PRR16: variants seen among roughly 807,000 people sequenced by gnomAD.
PRR16 encodes the protein proline rich 16.
A neutral mutation model predicts 18.2 loss-of-function variants in PRR16; 6 were observed. The ratio of observed to expected loss-of-function variants is 0.33; its 90% CI spans 0.18 to 0.65. The LOEUF (loss-of-function observed/expected upper bound fraction) is 0.65. PRR16 is among the 30% of genes least tolerant of loss of function. The pLI is 0.74. For synonymous variants in PRR16, 151 were observed against 147.8 expected, an observed-to-expected ratio of 1.02 and a Z score of -0.16; for missense variants, 412 against 376.6, an observed-to-expected ratio of 1.09 and a Z score of -0.78.
intron 1 of PRR16, among the ~76,000 whole-genome samples, chr5:120,475,797 G>A (rs1749422471): frequency 6.6e-6 from 1 of 152,086 alleles, no homozygotes; most frequent in Non-Finnish European, 1.5e-5. Context: ...GCAGGGTACT[G>A]GGCTATTCCA....
In PRR16 at chr5:120,464,586, G is replaced by A; in HGVS notation, c.100G>A (p.Val34Met). Residue 34 changes from valine to methionine, a missense_variant, in exon 1 of 2, where the codon GTG becomes ATG. By Grantham distance (21) the Val-to-Met change is conservative (BLOSUM62 1). Coordinates refer to ENST00000407149, the MANE Select transcript of PRR16 (RefSeq NM_001300783.2). Reference protein sequence around the residue: ...TKVKEQIKIIVEDLELVLGDL... With the variant: ...TKVKEQIKIIMEDLELVLGDL... ...GGTGAAGGAACAGATCAAGATCATC[G>A]TGGAGGATTTGGAATTAGTCCTGGG... 1 of 1,585,058 alleles carries A rather than the reference G, an allele frequency of 6.3e-7. No individual in the cohort carries two copies. The highest frequency in any genetic ancestry group is 1.7e-5 in the Admixed American group (1 of 57,866).
intron 1 of PRR16, among the ~76,000 whole-genome samples, chr5:120,593,193 G>A (rs915181081): frequency 2.0e-5 from 3 of 151,432 alleles, no homozygotes; most frequent in Non-Finnish European, 4.4e-5. Context: ...ATTGAGATAG[G>A]AAAAACCATA....
chr5:120,690,666 A>G (rs112082962), downstream of PRR16, among the ~76,000 whole-genome samples: 535 of 152,302 alleles, frequency 3.5e-3, 4 homozygotes, highest in African/African-American at 0.012. Context: ...ACAAGTTTAA[A>G]TGTTTACAGT....
chr5:120,763,171 G>A, the PRR16 span, among the ~76,000 whole-genome samples: 1 of 151,604 alleles, frequency 6.6e-6, no homozygotes. Context: ...TTTTGAGGCA[G>A]TGTCTCACTC....
chr5:120,716,255 T>G, the PRR16 span, among the ~76,000 whole-genome samples: 1 of 152,168 alleles, frequency 6.6e-6, no homozygotes, highest in Non-Finnish European at 1.5e-5. Flanking sequence ...TCTGTCTTCC[T>G]GCCTATGTGA....
At chr5:120,661,006 G>T (rs747538624) in intron 1 of PRR16, among the ~76,000 whole-genome samples, 1 of 151,984 alleles carries the variant, frequency 6.6e-6, no homozygotes, top group Non-Finnish European at 1.5e-5. Flanking sequence ...TCTGTCAGTT[G>T]TCTCTATACT....
chr5:120,666,486 C>T lies in PRR16; in HGVS notation c.160-19468C>T, dbSNP rs1357051426. On this transcript the variant is annotated intron_variant, in intron 1 of 1. Transcript: ENST00000407149. The stretch of plus-strand genomic sequence containing the variant: ...GCCTAATTGCCCTGGCCAGAACTTC[C>T]AACACTATGTTGCATAGGAGTGGTG... Among the ~76,000 whole-genome samples, 6 of 151,520 alleles carry T rather than the reference C, an allele frequency of 4.0e-5. No homozygotes were observed. The East Asian group carries it at 5.9e-4, about 15-fold the overall frequency.
intron 1 of PRR16, among the ~76,000 whole-genome samples, chr5:120,548,966 T>TACAC (rs138985218): frequency 0.45 from 68,406 of 150,370 alleles, 15,358 homozygotes; most frequent in Middle Eastern, 0.49. Context: ...TTCATGCATG[T>TACAC]ACACACACAC....
intron 1 of PRR16, among the ~76,000 whole-genome samples, chr5:120,563,207 C>T (rs555414254): frequency 6.6e-6 from 1 of 152,264 alleles, no homozygotes; most frequent in East Asian, 1.9e-4. Context: ...GCCAGAAGAG[C>T]ACTGGGTCTC....
Position 120,687,007 on chromosome 5 carries a change from A to G in PRR16, c.*298A>G, listed in dbSNP as rs1431480231. 2.7e-5 allele frequency: 6 copies of G among 218,374 alleles called. No homozygotes were observed. The highest frequency in any genetic ancestry group is 4.5e-5 in the Non-Finnish European group (5 of 112,280). The allele number at this position is 218,374 out of a possible 1,614,324, so 13.5% of individuals were successfully genotyped here. On this transcript the variant is annotated 3_prime_UTR_variant, in exon 2 of 2. Transcript: ENST00000407149. ...CAGATTTCACCTATTTTGATTTACT[A>G]TAAGAGCTGGGATTTGATTCATTTT... is the stretch of plus-strand genomic sequence containing the variant.
chr5:120,658,129 C>T (rs1756047953), intron 1 of PRR16: 1 of 151,770 alleles, frequency 6.6e-6, no homozygotes, highest in African/African-American at 2.4e-5. Context: ...TCAATTTTCC[C>T]TCTGCAAATA....
the PRR16 span, among the ~76,000 whole-genome samples, chr5:120,783,147 G>T: frequency 6.6e-6 from 1 of 152,064 alleles, no homozygotes; most frequent in Non-Finnish European, 1.5e-5. Context: ...TCATAAGAAA[G>T]AATTATTTGT....
At chr5:120,748,237 C>G in the PRR16 span, among the ~76,000 whole-genome samples, 1 of 152,012 alleles carries the variant, frequency 6.6e-6, no homozygotes, top group Non-Finnish European at 1.5e-5. Context: ...ATGACATGTT[C>G]AGACTGTAGT....
At chr5:120,706,851 A>T in the PRR16 span, among the ~76,000 whole-genome samples, 1 of 152,288 alleles carries the variant, frequency 6.6e-6, no homozygotes, top group Admixed American at 6.5e-5. Context: ...GCTCTAAGCT[A>T]TTGTGGGAAG....
At chr5:120,685,933 T>A (rs752193721) in intron 1 of PRR16, 21 bp from the exon 2 acceptor site, 1 of 1,590,716 alleles carries the variant, frequency 6.3e-7, no homozygotes, top group South Asian at 1.1e-5. Context: ...TTCAAAACAA[T>A]TACCTTGTCC....
At chr5:120,792,595 G>A in the PRR16 span, among the ~76,000 whole-genome samples, 1 of 152,032 alleles carries the variant, frequency 6.6e-6, no homozygotes, top group Non-Finnish European at 1.5e-5. Flanking sequence ...TTCTTTTAGA[G>A]TGCTGGTGTC....
At chr5:120,544,526 AC>A (rs1410709294) in intron 1 of PRR16, among the ~76,000 whole-genome samples, 1 of 152,142 alleles carries the variant, frequency 6.6e-6, no homozygotes, top group African/African-American at 2.4e-5. Context: ...GTGTATATGT[AC>A]AGCTATTTAT....
In PRR16 at chr5:120,565,978, A is replaced by G. The variant is rs114823472; in HGVS notation, c.159+101333A>G. ...TCACAACATATTCTGTGTTAAATAT[A>G]TAACTATGGCATGGTTGATGCTATG... On this transcript the variant is annotated intron_variant, in intron 1 of 1. Coordinates refer to ENST00000407149, the MANE Select transcript of PRR16 (RefSeq NM_001300783.2). Among the ~76,000 whole-genome samples, 549 of 152,348 alleles carry G rather than the reference A, an allele frequency of 3.6e-3. 1 individual carries two copies. Among genetic ancestry groups the G allele is most frequent in the African/African-American group, 0.012 (517 of 41,586 alleles).
intron 1 of PRR16, among the ~76,000 whole-genome samples, chr5:120,567,712 A>G (rs943257191): frequency 1.3e-5 from 2 of 152,152 alleles, no homozygotes; most frequent in African/African-American, 4.8e-5. Context: ...GTCTCCTGCT[A>G]CCATGCGAAG....
Sources: allele counts gnomAD v4.1 joint callset (sites outside exome capture counted in the v4.1 genomes callset), GRCh38; gene constraint gnomAD v4.1.1; transcripts MANE v1.5; gene names NCBI Gene and HGNC (gene_info 2026-07-23, HGNC 2026-07-21).